Variants in SETD5 observed in about 807,000 individuals in gnomAD.
SETD5 encodes SET domain containing 5.
SETD5 carries 44 observed loss-of-function variants against 153.3 expected under a neutral mutation model. The ratio of observed to expected loss-of-function variants is 0.29; its 90% CI spans 0.23 to 0.37. SETD5 has a LOEUF of 0.37. SETD5 is among the 10% of genes least tolerant of loss of function. SETD5 has a pLI of 1.00. For missense variants in SETD5, 1,544 were observed against 1,768.0 expected (o/e 0.87, Z 2.27); for synonymous variants, 716 against 645.2 (o/e 1.11, Z -1.66).
At chr3:9,435,670 A>T in intron 6 of SETD5, 58 bp from the exon 7 acceptor site, 1 of 1,425,384 alleles carries the variant, frequency 7.0e-7, no homozygotes, top group East Asian at 2.5e-5. Flanking sequence ...AGAATAAGCT[A>T]CTTTTAATGT....
rs77800928 is a variant in SETD5, at chr3:9,428,907, C to T, written c.-32C>T. Reference sequence around the variant, plus strand: ...TGGTCAGTCTCCATTAATTGGACCCCGTGATTTCCAATCTCTGCTGTGTTG... The same window carrying T: ...TGGTCAGTCTCCATTAATTGGACCCTGTGATTTCCAATCTCTGCTGTGTTG... On this transcript the variant is annotated 5_prime_UTR_variant, in exon 3 of 23. Coordinates refer to ENST00000402198, the MANE Select transcript of SETD5 (RefSeq NM_001080517.3). The T allele has an allele frequency of 2.6e-5, 42 of 1,585,890 alleles. 1 individual carries two copies. In the East Asian group the frequency reaches 7.9e-4, roughly 30 times the overall value.
intron 17 of SETD5, among the ~76,000 whole-genome samples, chr3:9,462,780 A>T (rs2044129171): frequency 6.6e-6 from 1 of 151,930 alleles, no homozygotes; most frequent in African/African-American, 2.4e-5. Flanking sequence ...GAGCAAGAAT[A>T]CCTGTTTTGT....
rs2036053008 is a variant in SETD5 at position 9,408,368 on chromosome 3, A to G, written c.-177+10391A>G. Among the ~76,000 whole-genome samples the G allele has an allele frequency of 2.6e-5, 4 of 152,220 alleles. No individual in the cohort carries two copies. The South Asian group carries it at 8.3e-4, about 32-fold the overall frequency. On this transcript the variant is annotated intron_variant, in intron 1 of 22. Coordinates refer to ENST00000402198, the MANE Select transcript of SETD5 (RefSeq NM_001080517.3). ...TAGGTATAGATTTGATTAATTTTTT[A>G]ATTTTTTATTATTAAAAACTCCAAT...
intron 1 of SETD5, among the ~76,000 whole-genome samples, 157 bp from the exon 2 acceptor site, chr3:9,424,310 C>G (rs2038833496): frequency 6.6e-6 from 1 of 152,122 alleles, no homozygotes; most frequent in East Asian, 1.9e-4. Flanking sequence ...GCAAAAAATT[C>G]AGTGCCGGAT....
chr3:9,434,879 T>C lies in SETD5; in HGVS notation c.385T>C (p.Ser129Pro). Reference protein sequence around the residue: ...RLHRRKQDNISGGDSSATESW... With the variant: ...RLHRRKQDNIPGGDSSATESW... ...TCATCGGCGGAAGCAGGACAACATA[T>C]CAGGTGAGCGGAAGATGGGTTAGGT... Residue 129 changes from serine to proline, a missense_variant, in exon 6 of 23, where the codon TCA (serine) becomes CCA (proline). This residue lies in a region of SETD5 where 251 missense variants were observed against 326.9 expected (regional missense o/e 0.77). Coordinates refer to ENST00000402198, the MANE Select transcript of SETD5 (RefSeq NM_001080517.3). The surrounding 1 kb of genome is among the most constrained non-coding windows in gnomAD (Gnocchi z 5.6). 3 of 1,613,302 alleles carry C rather than the reference T, an allele frequency of 1.9e-6. No homozygotes were observed. Among genetic ancestry groups the C allele is most frequent in the Non-Finnish European group, 2.5e-6 (3 of 1,179,648 alleles).
intron 2 of SETD5, among the ~76,000 whole-genome samples, chr3:9,427,051 T>C (rs1341022835): frequency 6.6e-6 from 1 of 151,396 alleles, no homozygotes; most frequent in Non-Finnish European, 1.5e-5. Flanking sequence ...CTGGCTGATA[T>C]TTTTTTACTA....
chr3:9,415,779 C>G (rs1252894539), intron 1 of SETD5, among the ~76,000 whole-genome samples: 1 of 151,488 alleles, frequency 6.6e-6, no homozygotes, highest in Non-Finnish European at 1.5e-5. Flanking sequence ...CCCAGGGTGG[C>G]CTCAAAACTC....
chr3:9,441,765 G>T (rs2041318633), intron 9 of SETD5, 24 bp downstream of exon 9: 14 of 1,613,834 alleles, frequency 8.7e-6, no homozygotes, highest in East Asian at 6.7e-5. Context: ...TCATTGAGCA[G>T]TGAGGGCTAA....
intron 3 of SETD5, chr3:9,429,742 T>G: frequency 1.1e-6 from 1 of 941,258 alleles, no homozygotes; most frequent in Non-Finnish European, 1.4e-6. Flanking sequence ...TCCCTTCTCT[T>G]TTAAGTTGTC....
intron 1 of SETD5, among the ~76,000 whole-genome samples, chr3:9,423,418 TG>T (rs2038707608): frequency 6.6e-6 from 1 of 152,238 alleles, no homozygotes; most frequent in African/African-American, 2.4e-5. Flanking sequence ...TGGATTCTGA[TG>T]GATTGTTCTG....
Position 9,428,813 on chromosome 3 carries a change from T to C in SETD5, c.-116-10T>C. On this transcript the variant is annotated splice_polypyrimidine_tract_variant and intron_variant, in intron 2 of 22. Coordinates refer to ENST00000402198, the MANE Select transcript of SETD5 (RefSeq NM_001080517.3). ...TTTATTTTACTAGATATTTTCCTTT[T>C]CTGTTACAGGATTCCTCATGTCCAT... 2 of 500,258 alleles carry C rather than the reference T, an allele frequency of 4.0e-6. No homozygotes were observed. Among genetic ancestry groups the C allele is most frequent in the Non-Finnish European group, 7.2e-6 (2 of 276,610 alleles). 31.0% of individuals were successfully genotyped at this position (500,258 alleles called of 1,614,324 possible). A position where few individuals can be genotyped will look rare whatever the true frequency, so the allele number is the denominator to read the frequency against.
At chr3:9,449,468 T>G (rs2042386632) in intron 16 of SETD5, 1 of 152,212 alleles carries the variant, frequency 6.6e-6, no homozygotes, top group Non-Finnish European at 1.5e-5. Flanking sequence ...CACCCTTTTC[T>G]CTTATCCTCA....
At chr3:9,400,621 C>A (rs919790340) in intron 1 of SETD5, among the ~76,000 whole-genome samples, 1 of 152,162 alleles carries the variant, frequency 6.6e-6, no homozygotes, top group African/African-American at 2.4e-5. Context: ...TAATAAACTT[C>A]TCCAGATTAG....
At chr3:9,404,325 G>A (rs1575153545) in intron 1 of SETD5, among the ~76,000 whole-genome samples, 1 of 119,544 alleles carries the variant, frequency 8.4e-6, no homozygotes, top group Admixed American at 8.3e-5. Flanking sequence ...CTCTGTTAAA[G>A]AAAACTGGAT....
chr3:9,417,944 T>TG (rs1450255233), intron 1 of SETD5, among the ~76,000 whole-genome samples: 1 of 146,276 alleles, frequency 6.8e-6, no homozygotes, highest in Non-Finnish European at 1.5e-5. Context: ...AGAGTTTTGT[T>TG]TTTTTTTTTT....
rs762464339 is a variant in SETD5, at chr3:9,440,514, G to A, written c.626G>A (p.Arg209Gln). The A allele has an allele frequency of 5.6e-6, 9 of 1,612,794 alleles. No individual in the cohort carries two copies. The highest frequency in any genetic ancestry group is 1.7e-5 in the Admixed American group (1 of 59,992). Reference protein sequence around the residue: ...DENTTEGWENRIRLWTDQYEE... With the variant: ...DENTTEGWENQIRLWTDQYEE... ...AATACAACTGAGGGCTGGGAAAATC[G>A]GATAAGACTATGGACTGACCAGTAT... is the stretch of plus-strand genomic sequence containing the variant. The change falls in exon 8 of 23, where the codon CGG becomes CAG. Residue 209 changes from arginine to glutamine, a missense_variant. Physicochemically the swap from Arg to Gln is conservative, Grantham distance 43. This residue lies in a region of SETD5 where 251 missense variants were observed against 326.9 expected (regional missense o/e 0.77). Transcript: ENST00000402198.
At chr3:9,464,246 T>C (rs1039108222) in intron 17 of SETD5, among the ~76,000 whole-genome samples, 179 bp from the exon 18 acceptor site, 6 of 152,230 alleles carry the variant, frequency 3.9e-5, no homozygotes, top group African/African-American at 9.6e-5. Context: ...TTCAGAGTTA[T>C]TTTAAGCATG....
At chr3:9,444,947 CAG>C in intron 11 of SETD5, 99 bp from the exon 12 acceptor site, 2 of 1,424,184 alleles carry the variant, frequency 1.4e-6, no homozygotes, top group Admixed American at 2.2e-5. Context: ...GAGACAATAT[CAG>C]AGGAAGTTAC....
intron 18 of SETD5, 77 bp downstream of exon 18, chr3:9,464,749 AT>A (rs753968847): frequency 6.3e-7 from 1 of 1,597,308 alleles, no homozygotes; most frequent in Non-Finnish European, 8.6e-7. Flanking sequence ...ATATAATACC[AT>A]TCCAAATGTT....
Sources: gnomAD v4.1 joint callset for allele counts (sites outside exome capture counted in the v4.1 genomes callset) on GRCh38, gnomAD v4.1.1 for gene constraint, gnomAD v4.1.1 regional missense constraint, Gnocchi (gnomAD v3.1) non-coding constraint, MANE v1.5 for transcripts, NCBI Gene and HGNC (gene_info 2026-07-23, HGNC 2026-07-21) for gene names.